Variants in LRRC56 observed in about 807,000 individuals in gnomAD.
The protein encoded by LRRC56 is leucine rich repeat containing 56.
A neutral mutation model predicts 47.8 loss-of-function variants in LRRC56; 41 were observed. That is an observed-to-expected ratio of 0.86 (90% confidence interval 0.67 to 1.11). The LOEUF is 1.11. LRRC56 is among the 50% of genes most tolerant of loss of function. LRRC56 has a pLI of 0.00. For synonymous variants in LRRC56, 387 were observed against 311.2 expected (o/e 1.24, Z -2.56); for missense variants, 759 against 704.2 (o/e 1.08, Z -0.88).
chr11:514,549 G>C, the LRRC56 span, among the ~76,000 whole-genome samples: 6 of 151,590 alleles, frequency 4.0e-5, no homozygotes, highest in East Asian at 9.7e-4. Flanking sequence ...CCAAAGTGCT[G>C]GGATTACAGG....
At chr11:549,847 G>C in intron 6 of LRRC56, 55 bp from the exon 7 acceptor site, 1 of 1,495,330 alleles carries the variant, frequency 6.7e-7, no homozygotes, top group South Asian at 1.1e-5. Context: ...AAAGGCAGGT[G>C]GTGGCTGAGC....
upstream of LRRC56, chr11:534,180 T>TG (rs1851312104): frequency 6.5e-7 from 1 of 1,545,254 alleles, no homozygotes. Context: ...CCGCAGCAGC[T>TG]GCTGGCACCT....
At chr11:550,917 G>A (rs550097369) in intron 8 of LRRC56, among the ~76,000 whole-genome samples, 1 of 152,246 alleles carries the variant, frequency 6.6e-6, no homozygotes, top group African/African-American at 2.4e-5. Flanking sequence ...TGGAGAGTGG[G>A]GTCCTACATC....
At chr11:517,185 T>C in the LRRC56 span, among the ~76,000 whole-genome samples, 1 of 152,234 alleles carries the variant, frequency 6.6e-6, no homozygotes, top group Admixed American at 6.5e-5. Context: ...AGTGGCGTGA[T>C]CTCAGCTCGC....
Position 539,969 on chromosome 11 carries a change from C to G in LRRC56, c.-12+243C>G, listed in dbSNP as rs137872895. On this transcript the variant is annotated intron_variant, in intron 3 of 13. Coordinates refer to ENST00000270115, the MANE Select transcript of LRRC56 (RefSeq NM_198075.4). ...ACCTGACTCTCTTCCTCCTCGCCAG[C>G]TGGGTCCGTGGATAGTCAGGTCCTG... Among the ~76,000 whole-genome samples the G allele has an allele frequency of 8.3e-3, 1,269 of 152,322 alleles. 26 individuals are homozygous for G. The highest frequency in any genetic ancestry group is 0.029 in the African/African-American group (1,205 of 41,556).
chr11:537,424 C>G (rs1490476886), upstream of LRRC56: 2 of 152,262 alleles, frequency 1.3e-5, no homozygotes, highest in Non-Finnish European at 2.9e-5. Context: ...GCACGGAACC[C>G]GAGCCCCCGG....
chr11:517,188 C>T, the LRRC56 span, among the ~76,000 whole-genome samples: 2 of 152,258 alleles, frequency 1.3e-5, no homozygotes, highest in Non-Finnish European at 2.9e-5. Context: ...GGCGTGATCT[C>T]AGCTCGCCAC....
At chr11:550,807 G>A (rs905964126) in intron 8 of LRRC56, among the ~76,000 whole-genome samples, 1 of 152,130 alleles carries the variant, frequency 6.6e-6, no homozygotes, top group East Asian at 1.9e-4. Context: ...GCTGAGGTCA[G>A]CGTCTACCAG....
At chr11:510,702 C>T in the LRRC56 span, among the ~76,000 whole-genome samples, 1 of 151,916 alleles carries the variant, frequency 6.6e-6, no homozygotes, top group Admixed American at 6.6e-5. Flanking sequence ...CACGCCATTG[C>T]ACTCCAGCCT....
the LRRC56 span, among the ~76,000 whole-genome samples, chr11:527,181 A>G: frequency 4.0e-5 from 6 of 150,636 alleles, no homozygotes; most frequent in Admixed American, 3.3e-4. Context: ...GGCACCTGTA[A>G]TCCCAGCTAC....
the LRRC56 span, among the ~76,000 whole-genome samples, chr11:530,699 G>C: frequency 2.0e-5 from 1 of 50,774 alleles, no homozygotes; most frequent in Non-Finnish European, 3.6e-5. Context: ...AGAGAAGGGG[G>C]AGTGTGGCGT....
intron 6 of LRRC56, among the ~76,000 whole-genome samples, chr11:545,018 A>G (rs899825743): frequency 4.6e-5 from 7 of 151,598 alleles, no homozygotes; most frequent in Non-Finnish European, 8.8e-5. Context: ...GGTCTCTGAG[A>G]GGGTCTTTGT....
chr11:526,157 A>G, the LRRC56 span, among the ~76,000 whole-genome samples: 1 of 151,576 alleles, frequency 6.6e-6, no homozygotes, highest in Non-Finnish European at 1.5e-5. Context: ...CAGTGAGCCA[A>G]GATCGCACCA....
chr11:518,692 C>A, the LRRC56 span, among the ~76,000 whole-genome samples: 1 of 152,142 alleles, frequency 6.6e-6, no homozygotes, highest in African/African-American at 2.4e-5. Context: ...ACGCACGAGC[C>A]GACACCAGCA....
At chr11:518,999 C>A in the LRRC56 span, among the ~76,000 whole-genome samples, 1 of 152,154 alleles carries the variant, frequency 6.6e-6, no homozygotes, top group East Asian at 1.9e-4. Flanking sequence ...CGAGGGCGCG[C>A]GAGGCGCCGC....
At chr11:512,466 C>T in the LRRC56 span, among the ~76,000 whole-genome samples, 4 of 152,042 alleles carry the variant, frequency 2.6e-5, no homozygotes, top group African/African-American at 9.7e-5. Context: ...AACTCCTGAC[C>T]TCAAATGATC....
At chr11:523,974 GA>G in the LRRC56 span, among the ~76,000 whole-genome samples, 1 of 151,704 alleles carries the variant, frequency 6.6e-6, no homozygotes, top group Admixed American at 6.6e-5. Flanking sequence ...AAGATCTGAA[GA>G]AAAAAATTTA....
chr11:520,461 C>T, the LRRC56 span, among the ~76,000 whole-genome samples: 5 of 152,122 alleles, frequency 3.3e-5, no homozygotes, highest in South Asian at 2.1e-4. Context: ...GCTGGGATTA[C>T]GTGCGCCACC....
At chr11:527,162 G>A in the LRRC56 span, among the ~76,000 whole-genome samples, 87 of 151,854 alleles carry the variant, frequency 5.7e-4, 2 homozygotes, top group Non-Finnish European at 1.2e-4. Context: ...TTAGCCGGGT[G>A]TGGTGGCGGG....
Sources: allele counts gnomAD v4.1 joint callset (sites outside exome capture counted in the v4.1 genomes callset), GRCh38; gene constraint gnomAD v4.1.1; transcripts MANE v1.5; gene names NCBI Gene and HGNC (gene_info 2026-07-23, HGNC 2026-07-21).